Variants in RAD51 observed in about 807,000 individuals in gnomAD.
The protein encoded by RAD51 is RAD51 recombinase.
Under a neutral mutation model 41.5 loss-of-function variants are expected in RAD51, and 14 were observed. That is an observed-to-expected ratio of 0.34 (90% confidence interval 0.22 to 0.53). The LOEUF (loss-of-function observed/expected upper bound fraction) is 0.53, where lower values mean the gene tolerates loss of function less well. Among genes scored for constraint, RAD51 ranks in the 20% least tolerant of loss-of-function variants. RAD51 has a pLI of 0.95. For missense variants in RAD51, 234 were observed against 422.0 expected (o/e 0.55, Z 3.90); for synonymous variants, 136 against 148.6 (o/e 0.92, Z 0.62).
upstream of RAD51, chr15:40,694,927 C>G (rs369246009): frequency 6.6e-6 from 1 of 151,994 alleles, no homozygotes; most frequent in South Asian, 2.1e-4. Flanking sequence ...TAGGCTCAGA[C>G]GATACTCTCG....
At chr15:40,706,446 C>T (rs1895344262) in intron 4 of RAD51, 152 bp downstream of exon 4, 1 of 734,376 alleles carries the variant, frequency 1.4e-6, no homozygotes, top group Non-Finnish European at 2.4e-6. Flanking sequence ...CCTGTAATCT[C>T]AGCACTTTGG....
At chr15:40,706,876 T>A (rs1242611385) in intron 4 of RAD51, among the ~76,000 whole-genome samples, 1 of 152,238 alleles carries the variant, frequency 6.6e-6, no homozygotes, top group Non-Finnish European at 1.5e-5. Context: ...AATTATAACC[T>A]ACTCTACCAC....
At chr15:40,713,245 C>CTTT (rs368095686) in intron 5 of RAD51, among the ~76,000 whole-genome samples, 9,551 of 127,030 alleles carry the variant, frequency 0.075, 466 homozygotes, top group East Asian at 0.13. Flanking sequence ...TCTTATTTTC[C>CTTT]TTTTTTTTTT....
Position 40,728,713 on chromosome 15 carries a change from A to T in RAD51, c.533A>T (p.Tyr178Phe). The change falls in exon 7 of 10, where the codon TAT (tyrosine) becomes TTT (phenylalanine). Residue 178 changes from tyrosine to phenylalanine, a missense_variant and splice_region_variant. This residue lies in a region of RAD51 where 134 missense variants were observed against 286.5 expected (regional missense o/e 0.47). Transcript: ENST00000267868. ...PERLLAVAER[Y>F]GLSGSDVLDN... ...AAATGTTCTCTCCTCTCTCATAGGT[A>T]TGGTCTCTCTGGCAGTGATGTCCTG... 1 of 1,613,312 alleles carries T rather than the reference A, an allele frequency of 6.2e-7. No homozygotes were observed. Among genetic ancestry groups the T allele is most frequent in the Non-Finnish European group, 8.5e-7 (1 of 1,179,378 alleles).
intron 6 of RAD51, among the ~76,000 whole-genome samples, chr15:40,727,685 T>G (rs1396669068): frequency 6.6e-6 from 1 of 152,050 alleles, no homozygotes; most frequent in Non-Finnish European, 1.5e-5. Context: ...TACATCTTTT[T>G]TTTTTCACCA....
intron 1 of RAD51, among the ~76,000 whole-genome samples, chr15:40,697,383 C>T (rs181429657): frequency 3.3e-5 from 5 of 152,128 alleles, no homozygotes; most frequent in East Asian, 1.9e-4. Flanking sequence ...GGATTGCAGA[C>T]GTGAGCCACA....
intron 6 of RAD51, among the ~76,000 whole-genome samples, chr15:40,723,185 A>G (rs1896368189): frequency 6.6e-6 from 1 of 152,192 alleles, no homozygotes; most frequent in Non-Finnish European, 1.5e-5. Flanking sequence ...GAAGGCTATA[A>G]TAAAAAAGAT....
At chr15:40,724,774 G>A (rs1272445351) in intron 6 of RAD51, among the ~76,000 whole-genome samples, 1 of 144,436 alleles carries the variant, frequency 6.9e-6, no homozygotes, top group Non-Finnish European at 1.5e-5. Context: ...CACCTCCCAG[G>A]TTCACGCCAT....
rs1896901422 is a variant in RAD51 at position 40,732,077 on chromosome 15, T to C, written c.*899T>C. 4.8e-6 allele frequency: 1 copy of C among 207,382 alleles called. No homozygotes were observed. Among genetic ancestry groups the C allele is most frequent in the Non-Finnish European group, 9.8e-6 (1 of 101,958 alleles). 12.8% of individuals were successfully genotyped at this position (207,382 alleles called of 1,614,324 possible). The stretch of plus-strand genomic sequence containing the variant: ...CAGCCAGGGTGACAGAGTGAGACCA[T>C]GTTTCAAACAAGAAACATTTCAGAG... On this transcript the variant is annotated 3_prime_UTR_variant, in exon 10 of 10. Transcript: ENST00000267868.
chr15:40,696,391 TAGTG>T, intron 1 of RAD51, among the ~76,000 whole-genome samples: 1 of 152,030 alleles, frequency 6.6e-6, no homozygotes, highest in Non-Finnish European at 1.5e-5. Context: ...CTGGTCAAGA[TAGTG>T]AGACCCGCAT....
chr15:40,716,511 G>A (rs1895994614), intron 5 of RAD51, among the ~76,000 whole-genome samples: 2 of 151,858 alleles, frequency 1.3e-5, no homozygotes, highest in Non-Finnish European at 2.9e-5. Flanking sequence ...GATTACAGGT[G>A]TGCACCACCA....
At chr15:40,705,596 T>TTTTTG (rs775264250) in intron 3 of RAD51, among the ~76,000 whole-genome samples, 35 of 152,184 alleles carry the variant, frequency 2.3e-4, no homozygotes, top group African/African-American at 8.2e-4. Flanking sequence ...CTCTAATAGT[T>TTTTTG]TTTTGTTTTG....
At chr15:40,704,530 T>C (rs1895209304) in intron 3 of RAD51, among the ~76,000 whole-genome samples, 2 of 150,314 alleles carry the variant, frequency 1.3e-5, no homozygotes, top group Admixed American at 1.3e-4. Flanking sequence ...CCCAGCTATT[T>C]TTTGTATTTT....
intron 6 of RAD51, among the ~76,000 whole-genome samples, chr15:40,727,759 C>T (rs1896659129): frequency 6.6e-6 from 1 of 151,810 alleles, no homozygotes; most frequent in South Asian, 2.1e-4. Context: ...TGGTCAGGAT[C>T]GTAAGGTGTA....
intron 9 of RAD51, among the ~76,000 whole-genome samples, chr15:40,730,496 C>T (rs186095158): frequency 1.3e-4 from 16 of 122,770 alleles, no homozygotes; most frequent in Non-Finnish European, 1.6e-4. Flanking sequence ...AAGAGCAGGA[C>T]ACTGTCTTGA....
rs1195606663 is a variant in RAD51, at chr15:40,704,363, CT to C, written c.226-1798del. Among the ~76,000 whole-genome samples the C allele has an allele frequency of 7.3e-3, 886 of 121,298 alleles. 9 individuals are homozygous for C. The highest frequency in any genetic ancestry group is 0.024 in the African/African-American group (760 of 32,314). 79.6% of individuals were successfully genotyped at this position (121,298 alleles called of 152,430 possible). ...ACAGTCGTGAGCCACCGCGCCAGGC[CT>C]TTTTTTTTTTTTTTTCTGATGCAGT... On this transcript the variant is annotated intron_variant, in intron 3 of 9. Transcript: ENST00000267868.
chr15:40,732,282 T>G lies in RAD51; in HGVS notation c.*1104T>G, dbSNP rs891070243. 8 of 176,028 alleles carry G rather than the reference T, an allele frequency of 4.5e-5. No homozygotes were observed. The highest frequency in any genetic ancestry group is 1.9e-4 in the African/African-American group (8 of 42,144). The allele number at this position is 176,028 out of a possible 1,614,324, so 10.9% of individuals were successfully genotyped here. A position where few individuals can be genotyped will look rare whatever the true frequency, so the allele number is the denominator to read the frequency against. On this transcript the variant is annotated 3_prime_UTR_variant, in exon 10 of 10. Coordinates refer to ENST00000267868, the MANE Select transcript of RAD51 (RefSeq NM_002875.5). ...CAAGATTTGAAACCAGAAAGGAAAG[T>G]CCCACTTGCAGATGATTGTGCTTAA... is the stretch of plus-strand genomic sequence containing the variant.
rs985081443 is a variant in RAD51 at position 40,731,278 on chromosome 15, G to A, written c.*100G>A. Reference sequence around the variant, plus strand: ...CTACAGGCCTCTTCCTGTTGTGACTGCCAGGATAAAGCTTCCGGGAAAACA... The same window carrying A: ...CTACAGGCCTCTTCCTGTTGTGACTACCAGGATAAAGCTTCCGGGAAAACA... On this transcript the variant is annotated 3_prime_UTR_variant, in exon 10 of 10. Coordinates refer to ENST00000267868, the MANE Select transcript of RAD51 (RefSeq NM_002875.5). 6.5e-7 allele frequency: 1 copy of A among 1,532,258 alleles called. No homozygotes were observed. Among genetic ancestry groups the A allele is most frequent in the Non-Finnish European group, 9.0e-7 (1 of 1,111,728 alleles). The allele number at this position is 1,532,258 out of a possible 1,614,324, so 94.9% of individuals were successfully genotyped here.
chr15:40,726,738 C>T (rs912537890), intron 6 of RAD51, among the ~76,000 whole-genome samples: 1 of 151,616 alleles, frequency 6.6e-6, no homozygotes, highest in African/African-American at 2.4e-5. Flanking sequence ...CATGGTGAAA[C>T]CCCGTCTCTA....
Sources: allele counts gnomAD v4.1 joint callset (sites outside exome capture counted in the v4.1 genomes callset), GRCh38; gene constraint gnomAD v4.1.1; regional missense constraint gnomAD v4.1.1; transcripts MANE v1.5; gene names NCBI Gene and HGNC (gene_info 2026-07-23, HGNC 2026-07-21).